POMGNT1: variants seen among roughly 807,000 people sequenced by gnomAD.
POMGNT1 encodes protein O-linked-mannose beta-1,2-N-acetylglucosaminyltransferase 1.
Under a neutral mutation model 95.6 loss-of-function variants are expected in POMGNT1, and 67 were observed. The observed-to-expected ratio is 0.70, with a 90% CI of 0.58 to 0.86. The LOEUF (loss-of-function observed/expected upper bound fraction) is 0.86. Ranked by LOEUF, POMGNT1 falls within the 40% of genes least tolerant of loss-of-function variation. The pLI is 0.00. For missense variants in POMGNT1, 719 were observed against 855.2 expected (o/e 0.84, Z 1.99); for synonymous variants, 298 against 317.9 (o/e 0.94, Z 0.66).
chr1:46,199,637 T>A (rs1658476355), upstream of POMGNT1, among the ~76,000 whole-genome samples: 1 of 152,182 alleles, frequency 6.6e-6, no homozygotes, highest in Non-Finnish European at 1.5e-5. Flanking sequence ...ATAATCCAAT[T>A]TCTGTTTTAA....
chr1:46,197,887 G>C lies in POMGNT1; in HGVS notation c.-50-16C>G. ...CTTCAGGAATCTGAAGGGACCAGAGGGCCACATGGGGTAAGATGCTCCTCC... is the reference window on the plus strand; with the variant it reads ...CTTCAGGAATCTGAAGGGACCAGAGCGCCACATGGGGTAAGATGCTCCTCC... On this transcript the variant is annotated splice_polypyrimidine_tract_variant and intron_variant, in intron 1 of 21. Coordinates refer to ENST00000371984, the MANE Select transcript of POMGNT1 (RefSeq NM_017739.4). The C allele has an allele frequency of 1.9e-6, 3 of 1,608,710 alleles. No homozygotes were observed. Among genetic ancestry groups the C allele is most frequent in the Non-Finnish European group, 2.5e-6 (3 of 1,177,916 alleles).
chr1:46,203,773 GC>G (rs1658624614), intron 1 of POMGNT1: 1 of 730,234 alleles, frequency 1.4e-6, no homozygotes, highest in Admixed American at 3.4e-5. Flanking sequence ...ATCCGTAAAC[GC>G]TGGGGTGGAG....
At chr1:46,190,097 CTTT>C (rs946195454) in intron 19 of POMGNT1, 108 bp from the exon 20 acceptor site, 8,089 of 790,860 alleles carry the variant, frequency 0.01, no homozygotes, top group East Asian at 0.014. Flanking sequence ...CCTTGAAGTT[CTTT>C]TTTTTTTTTT....
chr1:46,201,303 GGAGTTCGA>G (rs1347692921), upstream of POMGNT1, among the ~76,000 whole-genome samples: 1 of 152,028 alleles, frequency 6.6e-6, no homozygotes, highest in East Asian at 1.9e-4. Context: ...CTTGAGGCCA[GGAGTTCGA>G]GACCAGCCTG....
rs187503105 is a variant in POMGNT1 at position 46,214,959 on chromosome 1, G to A, written c.-51+4746C>T. On this transcript the variant is annotated intron_variant, in intron 1 of 22. Transcript: ENST00000371992. ...GAAATAGATGTGACTGGGTGCTGTGGCTCACGCCTGTAATCCCAGCACTTT... is the reference window on the plus strand; with the variant it reads ...GAAATAGATGTGACTGGGTGCTGTGACTCACGCCTGTAATCCCAGCACTTT... Among the ~76,000 whole-genome samples the A allele has an allele frequency of 2.0e-3, 311 of 152,010 alleles. 3 individuals are homozygous for A. The highest frequency in any genetic ancestry group is 7.2e-3 in the African/African-American group (300 of 41,478).
chr1:46,196,032 T>G lies in POMGNT1; in HGVS notation c.400A>C (p.Ile134Leu). The change falls in exon 5 of 22, where the codon ATT becomes CTT. Residue 134 changes from isoleucine (I) to leucine (L), a missense_variant. Physicochemically the swap from Ile to Leu is conservative, Grantham distance 5 (BLOSUM62 2). Transcript: ENST00000371984. This position sits in a 1 kb window ranked among gnomAD's most constrained non-coding sequence, Gnocchi z 4.4. ...AREQGRGIHV[I>L]VLNQATGHVM... ...CTCACCGTGGCCTGGTTGAGGACAATGACATGGATGCCCCGGCCCTGCTCC... is the reference window on the plus strand; with the variant it reads ...CTCACCGTGGCCTGGTTGAGGACAAGGACATGGATGCCCCGGCCCTGCTCC... The G allele has an allele frequency of 6.2e-7, 1 of 1,614,004 alleles. No homozygotes were observed. Among genetic ancestry groups the G allele is most frequent in the Non-Finnish European group, 8.5e-7 (1 of 1,179,998 alleles).
intron 6 of POMGNT1, chr1:46,195,578 G>A: frequency 3.4e-6 from 2 of 593,504 alleles, no homozygotes; most frequent in Admixed American, 4.6e-5. Flanking sequence ...TGAGGGTGGG[G>A]ACTCTGTCTT....
At chr1:46,194,092 G>A (rs555042732) in intron 9 of POMGNT1, among the ~76,000 whole-genome samples, 167 bp from the exon 10 acceptor site, 3 of 152,256 alleles carry the variant, frequency 2.0e-5, no homozygotes, top group South Asian at 2.1e-4. Flanking sequence ...CAACTCTAGC[G>A]CTGAGCTTTA....
chr1:46,194,503 T>C, intron 8 of POMGNT1, 50 bp downstream of exon 8: 1 of 1,614,094 alleles, frequency 6.2e-7, no homozygotes, highest in South Asian at 1.1e-5. Context: ...GAGATCTAAA[T>C]GCCCACCCCC....
intron 2 of POMGNT1, chr1:46,197,320 T>C: frequency 6.7e-7 from 1 of 1,484,636 alleles, no homozygotes; most frequent in Non-Finnish European, 9.0e-7. Context: ...AGTGCTCCTG[T>C]ATTCTTCTAT....
At chr1:46,211,480 C>CAG (rs1461173055) in intron 1 of POMGNT1, among the ~76,000 whole-genome samples, 118 of 151,052 alleles carry the variant, frequency 7.8e-4, no homozygotes, top group Non-Finnish European at 9.4e-4. Context: ...CACACACACA[C>CAG]AGTAATATCA....
intron 1 of POMGNT1, among the ~76,000 whole-genome samples, chr1:46,211,274 T>A (rs1485712989): frequency 6.6e-6 from 1 of 152,154 alleles, no homozygotes; most frequent in African/African-American, 2.4e-5. Context: ...GAGGGTCTTA[T>A]GACCCACAAT....
At chr1:46,198,518 GGGCGGCGGCGGCGGC>G, upstream of POMGNT1, 1 of 147,512 alleles carries the variant, frequency 6.8e-6, no homozygotes, top group Non-Finnish European at 1.4e-5. Context: ...GCGGTGCTTA[GGGCGGCGGCGGCGGC>G]GGCGGCGGTG....
intron 17 of POMGNT1, 184 bp downstream of exon 17, chr1:46,191,914 G>A (rs1320959549): frequency 2.6e-5 from 25 of 954,058 alleles, no homozygotes; most frequent in African/African-American, 2.1e-4. Flanking sequence ...GATTACAGGC[G>A]TGAGCCACCG....
At chr1:46,203,315 G>C, upstream of POMGNT1, 1 of 839,760 alleles carries the variant, frequency 1.2e-6, no homozygotes, top group South Asian at 2.7e-5. Flanking sequence ...CCCCCGCGCC[G>C]CGCGGGCGGG....
At position 46,197,440 on chromosome 1, in the gene POMGNT1, C is replaced by T; in HGVS notation, c.120+262G>A. The T allele has an allele frequency of 2.0e-6, 3 of 1,492,604 alleles. No individual in the cohort carries two copies. The South Asian group carries it at 3.7e-5, about 18-fold the overall frequency. The allele number at this position is 1,492,604 out of a possible 1,614,324, so 92.5% of individuals were successfully genotyped here. On this transcript the variant is annotated intron_variant, in intron 2 of 21. Transcript: ENST00000371984. ...CTGGGTCCTGGCCCTAACTGCCTCACAGGGGTGTGCCTCTCTGCAAAGCCA... is the reference window on the plus strand; with the variant it reads ...CTGGGTCCTGGCCCTAACTGCCTCATAGGGGTGTGCCTCTCTGCAAAGCCA...
chr1:46,198,301 C>A (rs1288471999), intron 1 of POMGNT1, 35 bp downstream of exon 1: 1 of 156,296 alleles, frequency 6.4e-6, no homozygotes, highest in Non-Finnish European at 1.4e-5. Flanking sequence ...ACCGGCAGCG[C>A]TACCCGTTCC....
chr1:46,201,710 A>G (rs951719877), upstream of POMGNT1, among the ~76,000 whole-genome samples: 11 of 151,694 alleles, frequency 7.3e-5, no homozygotes, highest in Non-Finnish European at 1.3e-4. Flanking sequence ...AAAAAAAAAA[A>G]AAAAGAAAAA....
At position 46,196,624 on chromosome 1, in the gene POMGNT1, A is replaced by G. The variant is rs1658258881; in HGVS notation, c.354+107T>C. 1 of 1,599,162 alleles carries G rather than the reference A, an allele frequency of 6.3e-7. No homozygotes were observed. Among genetic ancestry groups the G allele is most frequent in the Non-Finnish European group, 8.5e-7 (1 of 1,175,764 alleles). On this transcript the variant is annotated intron_variant, in intron 4 of 21. Coordinates refer to ENST00000371984, the MANE Select transcript of POMGNT1 (RefSeq NM_017739.4). This position sits in a 1 kb window ranked among gnomAD's most constrained non-coding sequence, Gnocchi z 4.4. Reference sequence around the variant, plus strand: ...TCGAGGACTCCAAAGTCACACAGCTAGAAACTGGCAGAGTTGCAGTTCCCA... The same window carrying G: ...TCGAGGACTCCAAAGTCACACAGCTGGAAACTGGCAGAGTTGCAGTTCCCA...
Sources: gnomAD v4.1 joint callset for allele counts (sites outside exome capture counted in the v4.1 genomes callset) on GRCh38, gnomAD v4.1.1 for gene constraint, Gnocchi (gnomAD v3.1) non-coding constraint, MANE v1.5 for transcripts, NCBI Gene and HGNC (gene_info 2026-07-23, HGNC 2026-07-21) for gene names.